The following VWC2 variants were observed in gnomAD, a reference collection of about 807,000 sequenced individuals.
The protein encoded by VWC2 is von Willebrand factor C domain containing 2.
In VWC2, 14 loss-of-function variants were observed where a neutral mutation model predicts 29.8. That is an observed-to-expected ratio of 0.47 (90% confidence interval 0.31 to 0.74). The LOEUF is 0.74. Among genes scored for constraint, VWC2 ranks in the 30% least tolerant of loss-of-function variants. VWC2 has a pLI of 0.05. For synonymous variants in VWC2, 213 were observed against 199.0 expected, an observed-to-expected ratio of 1.07 and a Z score of -0.59; for missense variants, 457 against 459.8, an observed-to-expected ratio of 0.99 and a Z score of 0.05.
chr7:49,788,520 TG>T (rs1216582842), intron 2 of VWC2, among the ~76,000 whole-genome samples: 1 of 150,170 alleles, frequency 6.7e-6, no homozygotes, highest in African/African-American at 2.5e-5. Context: ...TGTGTGAGTG[TG>T]GGTGTGAGAC....
chr7:49,778,070 A>G (rs987457509), intron 2 of VWC2, among the ~76,000 whole-genome samples: 2 of 151,014 alleles, frequency 1.3e-5, no homozygotes, highest in African/African-American at 4.9e-5. Context: ...TTCAGTGTCC[A>G]CTTACCTACC....
chr7:49,881,741 CAATTCATCTCTTT>C (rs1454156029), intron 3 of VWC2, among the ~76,000 whole-genome samples: 2 of 152,098 alleles, frequency 1.3e-5, no homozygotes, highest in Non-Finnish European at 2.9e-5. Flanking sequence ...TTTTGATAGG[CAATTCATCTCTTT>C]AATTCATCTC....
At chr7:49,783,197 G>A in intron 2 of VWC2, among the ~76,000 whole-genome samples, 1 of 152,090 alleles carries the variant, frequency 6.6e-6, no homozygotes, top group East Asian at 1.9e-4. Context: ...AAAATATTTA[G>A]GACACCATGT....
intron 2 of VWC2, among the ~76,000 whole-genome samples, chr7:49,777,045 T>C (rs531010051): frequency 1.3e-5 from 2 of 152,344 alleles, no homozygotes; most frequent in African/African-American, 4.8e-5. Context: ...ACAGCATGCA[T>C]GCACAGGCTC....
At chr7:49,897,116 C>T (rs1423674301) in intron 3 of VWC2, among the ~76,000 whole-genome samples, 5 of 151,800 alleles carry the variant, frequency 3.3e-5, no homozygotes, top group Non-Finnish European at 7.4e-5. Context: ...AGGATGGTCT[C>T]GATCTCCTGA....
Position 49,808,591 on chromosome 7 carries a change from G to T in VWC2, c.826+5751G>T, listed in dbSNP as rs370749633. On this transcript the variant is annotated intron_variant, in intron 3 of 3. Transcript: ENST00000340652. ...GAATACTCATTTTTGCCAAGTGCAG[G>T]TGGACACTGTCTACAGTTGACCCTA... 5.8e-3 allele frequency among the ~76,000 whole-genome samples: 878 copies of T among 152,096 alleles called. 70 individuals carry two copies. The South Asian group carries it at 0.15, about 25-fold the overall frequency.
intron 3 of VWC2, among the ~76,000 whole-genome samples, chr7:49,829,579 G>T (rs1229440732): frequency 1.3e-5 from 2 of 152,180 alleles, no homozygotes; most frequent in African/African-American, 4.8e-5. Flanking sequence ...CTCATTCCAT[G>T]GCTGGTGCTC....
chr7:49,861,192 C>G (rs1304146441), intron 3 of VWC2, among the ~76,000 whole-genome samples: 1 of 152,170 alleles, frequency 6.6e-6, no homozygotes, highest in Non-Finnish European at 1.5e-5. Flanking sequence ...TTCGTTATTG[C>G]TATAACCATC....
At chr7:49,829,948 G>A (rs184001352) in intron 3 of VWC2, among the ~76,000 whole-genome samples, 82 of 152,270 alleles carry the variant, frequency 5.4e-4, no homozygotes, top group Admixed American at 2.0e-3. Context: ...ACTATCTTTT[G>A]GGTTATTGTA....
intron 2 of VWC2, among the ~76,000 whole-genome samples, chr7:49,788,068 C>T (rs1788340314): frequency 6.6e-6 from 1 of 152,148 alleles, no homozygotes; most frequent in Non-Finnish European, 1.5e-5. Context: ...AGTGGGTGTC[C>T]TGTTCTAATT....
intron 3 of VWC2, among the ~76,000 whole-genome samples, chr7:49,835,478 G>C (rs767387270): frequency 8.5e-5 from 13 of 152,178 alleles, no homozygotes; most frequent in Non-Finnish European, 1.8e-4. Context: ...ACTTGTTAAA[G>C]AGGGCAAGAC....
intron 3 of VWC2, among the ~76,000 whole-genome samples, chr7:49,839,608 A>G (rs1477998857): frequency 9.0e-6 from 1 of 110,754 alleles, no homozygotes; most frequent in Admixed American, 8.2e-5. Flanking sequence ...ACAAGAGCCA[A>G]AAAAAAAAAA....
At chr7:49,877,484 ATATATATATAT>A (rs1562747802) in intron 3 of VWC2, among the ~76,000 whole-genome samples, 1,153 of 26,562 alleles carry the variant, frequency 0.043, 286 homozygotes, top group African/African-American at 0.15. Flanking sequence ...AAAAAAAAAT[ATATATATATAT>A]ATATATATAT....
intron 3 of VWC2, among the ~76,000 whole-genome samples, chr7:49,909,685 G>A (rs1793299152): frequency 1.3e-5 from 2 of 152,166 alleles, no homozygotes; most frequent in African/African-American, 2.4e-5. Flanking sequence ...GAGCTCAAGC[G>A]AGAAAGTACA....
intron 3 of VWC2, 65 bp downstream of exon 3, chr7:49,802,905 T>C: frequency 6.2e-7 from 1 of 1,604,762 alleles, no homozygotes; most frequent in South Asian, 1.1e-5. Context: ...CATGTGCTGC[T>C]TCATGGTAGA....
In VWC2 at chr7:49,775,469, C is replaced by A; in HGVS notation, c.34C>A (p.Leu12Ile). ...PSSTAMAVGA[L>I]SSSLLVTCCL... ...CTCCACTGCGATGGCAGTTGGCGCG[C>A]TCTCCAGTTCCCTCCTGGTCACCTG... The change falls in exon 2 of 4, where the codon CTC (leucine) becomes ATC (isoleucine). Residue 12 changes from leucine to isoleucine, a missense_variant. Around this residue, in one of 2 missense-constraint regions of VWC2, gnomAD observed 272 missense variants for 202.7 expected, o/e 1.34. Coordinates refer to ENST00000340652, the MANE Select transcript of VWC2 (RefSeq NM_198570.5). The A allele has an allele frequency of 6.7e-7, 1 of 1,497,960 alleles. No individual in the cohort carries two copies. The highest frequency in any genetic ancestry group is 8.9e-7 in the Non-Finnish European group (1 of 1,127,224). 92.8% of individuals were successfully genotyped at this position (1,497,960 alleles called of 1,614,324 possible).
chr7:49,838,460 G>A (rs1482242623), intron 3 of VWC2, among the ~76,000 whole-genome samples: 2 of 151,988 alleles, frequency 1.3e-5, no homozygotes, highest in Non-Finnish European at 2.9e-5. Flanking sequence ...AGCAGACTCC[G>A]GTCTTTTGGG....
chr7:49,844,788 G>A (rs1414565686), intron 3 of VWC2, among the ~76,000 whole-genome samples: 11 of 152,062 alleles, frequency 7.2e-5, no homozygotes, highest in African/African-American at 2.7e-4. Context: ...TGCCTCCTGG[G>A]TTCAAGCGAT....
intron 2 of VWC2, among the ~76,000 whole-genome samples, chr7:49,795,908 G>A (rs928284447): frequency 6.6e-6 from 1 of 152,154 alleles, no homozygotes; most frequent in Admixed American, 6.5e-5. Context: ...CTCAGTGATA[G>A]ATCATCTGTG....
Sources: allele counts gnomAD v4.1 joint callset (sites outside exome capture counted in the v4.1 genomes callset), GRCh38; gene constraint gnomAD v4.1.1; regional missense constraint gnomAD v4.1.1; transcripts MANE v1.5; gene names NCBI Gene and HGNC (gene_info 2026-07-23, HGNC 2026-07-21).